Variants in PDE6C observed in about 807,000 individuals in gnomAD.
PDE6C encodes phosphodiesterase 6C.
In PDE6C, 75 loss-of-function variants were observed where a neutral mutation model predicts 113.1. The observed-to-expected ratio is 0.66, with a 90% CI of 0.55 to 0.80. The LOEUF (loss-of-function observed/expected upper bound fraction) is 0.80, where lower values mean the gene tolerates loss of function less well. Among genes scored for constraint, PDE6C ranks in the 30% least tolerant of loss-of-function variants. PDE6C has a pLI of 0.00. For synonymous variants in PDE6C, 375 were observed against 363.7 expected, an observed-to-expected ratio of 1.03 and a Z score of -0.35; for missense variants, 912 against 1,038.6, an observed-to-expected ratio of 0.88 and a Z score of 1.67.
Position 93,621,931 on chromosome 10 carries a change from G to T in PDE6C, c.724-1G>T, listed in dbSNP as rs1057518244. Reference sequence around the variant, plus strand: ...GTTTTCTTTTTGATACCTACTTTCAGATCCTTATGTGGTCAGCCAATAAAG... The same window carrying T: ...GTTTTCTTTTTGATACCTACTTTCATATCCTTATGTGGTCAGCCAATAAAG... On this transcript the variant is annotated splice_acceptor_variant, in intron 3 of 21. Transcript: ENST00000371447. LOFTEE classifies it high-confidence loss of function. The T allele has an allele frequency of 6.2e-7, 1 of 1,613,448 alleles. No homozygotes were observed.
At chr10:93,662,949 C>T in intron 20 of PDE6C, 79 bp from the exon 21 acceptor site, 1 of 1,263,570 alleles carries the variant, frequency 7.9e-7, no homozygotes, top group South Asian at 1.3e-5. Flanking sequence ...CAATTCCTTA[C>T]AGCTCACTCT....
intron 8 of PDE6C, among the ~76,000 whole-genome samples, chr10:93,634,472 T>TAC (rs931124346): frequency 6.6e-6 from 1 of 152,164 alleles, no homozygotes; most frequent in African/African-American, 2.4e-5. Flanking sequence ...AAACTATATG[T>TAC]ACACACACAC....
Position 93,655,665 on chromosome 10 carries a change from TGAAA to T in PDE6C, c.1936-92_1936-89del, listed in dbSNP as rs2058634404. ...AAAAAAAAAACAAACAAAAAAGTGTTGAAAGACTTTTAGATTTTCTTCTTGTTAA... is the reference window on the plus strand; with the variant it reads ...AAAAAAAAAACAAACAAAAAAGTGTTGACTTTTAGATTTTCTTCTTGTTAA... On this transcript the variant is annotated intron_variant, in intron 15 of 21. Transcript: ENST00000371447. The T allele has an allele frequency of 5.4e-6, 4 of 742,594 alleles. No homozygotes were observed. In the South Asian group the frequency reaches 6.0e-5, roughly 11 times the overall value. The allele number at this position is 742,594 out of a possible 1,614,324, so 46.0% of individuals were successfully genotyped here.
intron 8 of PDE6C, among the ~76,000 whole-genome samples, chr10:93,633,861 C>T (rs2058515056): frequency 6.6e-6 from 1 of 152,174 alleles, no homozygotes; most frequent in South Asian, 2.1e-4. Flanking sequence ...CTTCCCATCA[C>T]TCAGGCTTGG....
chr10:93,640,189 G>T lies in PDE6C; in HGVS notation c.1602G>T (p.Val534=). 1 of 1,613,340 alleles carries T rather than the reference G, an allele frequency of 6.2e-7. No individual in the cohort carries two copies. The highest frequency in any genetic ancestry group is 8.5e-7 in the Non-Finnish European group (1 of 1,179,306). ...TACGACTGTTTTTTGAAATAAATGT[G>T]GTGGAGAAATTCAAAGTACCTGTAG... ...CGIRLFFEIN[V]VEKFKVPVEV... is the part of the protein sequence containing the mutation. The change falls in exon 12 of 22, where the codon GTG becomes GTT. Residue 534 remains valine, a synonymous_variant. Coordinates refer to ENST00000371447, the MANE Select transcript of PDE6C (RefSeq NM_006204.4).
intron 15 of PDE6C, among the ~76,000 whole-genome samples, chr10:93,652,456 A>G (rs2058613589): frequency 6.6e-6 from 1 of 152,204 alleles, no homozygotes; most frequent in African/African-American, 2.4e-5. Flanking sequence ...AATGAAAATG[A>G]GTGAGAAGAA....
chr10:93,640,709 G>A (rs1465892057), intron 13 of PDE6C, 152 bp downstream of exon 13: 2 of 739,164 alleles, frequency 2.7e-6, no homozygotes, highest in East Asian at 2.7e-5. Context: ...GTATCCTTGA[G>A]CACCGGTGGG....
intron 15 of PDE6C, among the ~76,000 whole-genome samples, chr10:93,654,015 G>A (rs1035928245): frequency 3.9e-5 from 6 of 152,104 alleles, no homozygotes; most frequent in African/African-American, 1.4e-4. Context: ...TTTGGTCTTA[G>A]GTTTGCAATT....
At chr10:93,624,523 C>T (rs546027650) in intron 4 of PDE6C, among the ~76,000 whole-genome samples, 6 of 152,340 alleles carry the variant, frequency 3.9e-5, no homozygotes, top group African/African-American at 1.4e-4. Context: ...CAGGCATGAG[C>T]CACCGCACCT....
At position 93,652,539 on chromosome 10, in the gene PDE6C, C is replaced by A. The variant is rs567540162; in HGVS notation, c.1936-3221C>A. 3.3e-5 allele frequency among the ~76,000 whole-genome samples: 5 copies of A among 152,142 alleles called. No individual in the cohort carries two copies. In the East Asian group the frequency reaches 9.7e-4, roughly 29 times the overall value. ...CAGTACTGAAATGGTGACTATAAACCCTTTTTCTTCATTATATCAATTTTT... is the reference window on the plus strand; with the variant it reads ...CAGTACTGAAATGGTGACTATAAACACTTTTTCTTCATTATATCAATTTTT... On this transcript the variant is annotated intron_variant, in intron 15 of 21. Transcript: ENST00000371447.
intron 15 of PDE6C, among the ~76,000 whole-genome samples, chr10:93,647,599 AGATGGT>A (rs1337590681): frequency 2.0e-5 from 3 of 152,208 alleles, no homozygotes; most frequent in African/African-American, 4.8e-5. Flanking sequence ...ATATAAGTCC[AGATGGT>A]GGTTCTCAGA....
At chr10:93,634,378 C>T (rs149304559) in intron 8 of PDE6C, among the ~76,000 whole-genome samples, 7 of 152,218 alleles carry the variant, frequency 4.6e-5, no homozygotes, top group African/African-American at 1.7e-4. Context: ...GGGAGGAGTA[C>T]AGGACAGTCT....
At chr10:93,634,204 G>T (rs895059400) in intron 8 of PDE6C, among the ~76,000 whole-genome samples, 2 of 152,096 alleles carry the variant, frequency 1.3e-5, no homozygotes, top group African/African-American at 4.8e-5. Flanking sequence ...TGTATTTTTA[G>T]TAGAGATGGG....
rs760190350 is a variant in PDE6C, at chr10:93,612,962, G to A, written c.237G>A (p.Gly79=). 5.0e-6 allele frequency: 8 copies of A among 1,613,960 alleles called. No individual in the cohort carries two copies. The East Asian group carries it at 1.3e-4, about 27-fold the overall frequency. ...VQEEGGTPEQ[G]VHRALQRLAH... is the part of the protein sequence containing the mutation. ...AGGAGGGGGGCACCCCAGAGCAGGG[G>A]GTTCACAGGGCCCTGCAGAGGCTGG... is the stretch of plus-strand genomic sequence containing the variant. Residue 79 remains glycine (G), a synonymous_variant, in exon 1 of 22, where the codon GGG becomes GGA. Coordinates refer to ENST00000371447, the MANE Select transcript of PDE6C (RefSeq NM_006204.4).
chr10:93,633,997 T>C (rs772755343), intron 8 of PDE6C, among the ~76,000 whole-genome samples: 25 of 152,104 alleles, frequency 1.6e-4, no homozygotes, highest in Non-Finnish European at 3.1e-4. Flanking sequence ...AAAGTAGGAA[T>C]TGCACATCTA....
chr10:93,637,792 T>G (rs2058541020), intron 11 of PDE6C, among the ~76,000 whole-genome samples: 2 of 152,232 alleles, frequency 1.3e-5, no homozygotes, highest in South Asian at 4.1e-4. Flanking sequence ...GTAGATCTGA[T>G]TCTACTGTTT....
chr10:93,625,542 T>C, intron 4 of PDE6C, 33 bp from the exon 5 acceptor site: 4 of 1,372,506 alleles, frequency 2.9e-6, no homozygotes, highest in Non-Finnish European at 4.2e-6. Context: ...TGGAACAGTG[T>C]GTTTAATGAT....
At chr10:93,626,519 A>G in intron 5 of PDE6C, 121 bp from the exon 6 acceptor site, 1 of 661,382 alleles carries the variant, frequency 1.5e-6, no homozygotes, top group East Asian at 2.7e-5. Context: ...TTTATGTTAT[A>G]ATATAATGTG....
intron 14 of PDE6C, among the ~76,000 whole-genome samples, chr10:93,645,593 A>G (rs2058580256): frequency 6.6e-6 from 1 of 152,136 alleles, no homozygotes; most frequent in Non-Finnish European, 1.5e-5. Flanking sequence ...GTTACCTTAT[A>G]GTGCTTTTCA....
Sources: gnomAD v4.1 joint callset for allele counts (sites outside exome capture counted in the v4.1 genomes callset) on GRCh38, gnomAD v4.1.1 for gene constraint, MANE v1.5 for transcripts, NCBI Gene and HGNC (gene_info 2026-07-23, HGNC 2026-07-21) for gene names.